GPR6: variants seen among roughly 807,000 people sequenced by gnomAD.
GPR6 encodes the protein sphingosine 1-phosphate receptor GPR6.
Under a neutral mutation model 18.5 loss-of-function variants are expected in GPR6, and 14 were observed. That is an observed-to-expected ratio of 0.76 (90% CI 0.50 to 1.18). GPR6 has a LOEUF of 1.18. GPR6 is among the 50% of genes most tolerant of loss of function. GPR6 has a pLI of 0.00. For synonymous variants in GPR6, 299 were observed against 240.9 expected (o/e 1.24, Z -2.23); for missense variants, 477 against 495.9 (o/e 0.96, Z 0.36).
At position 109,979,341 on chromosome 6, in the gene GPR6, G is replaced by A. The variant is rs767599751; in HGVS notation, c.229G>A (p.Val77Met). 2 of 1,613,750 alleles carry A rather than the reference G, an allele frequency of 1.2e-6. No individual in the cohort carries two copies. Among genetic ancestry groups the A allele is most frequent in the South Asian group, 1.1e-5 (1 of 91,082 alleles). The change falls in exon 2 of 2, where the codon GTG (valine) becomes ATG (methionine). Residue 77 changes from valine (V) to methionine (M), a missense_variant. Transcript: ENST00000275169. ...LLLPAVNPWD[V>M]LLCVSGTVIA... Reference sequence around the variant, plus strand: ...GCTGCCAGCGGTGAATCCGTGGGACGTGCTCCTGTGCGTGTCGGGGACAGT... The same window carrying A: ...GCTGCCAGCGGTGAATCCGTGGGACATGCTCCTGTGCGTGTCGGGGACAGT...
At position 109,979,343 on chromosome 6, in the gene GPR6, G is replaced by A; in HGVS notation, c.231G>A (p.Val77=). Residue 77 remains valine, a synonymous_variant, in exon 2 of 2, where the codon GTG becomes GTA. Transcript: ENST00000275169. The part of the protein sequence containing the change: ...LLLPAVNPWD[V]LLCVSGTVIA... ...TGCCAGCGGTGAATCCGTGGGACGT[G>A]CTCCTGTGCGTGTCGGGGACAGTGA... is the stretch of plus-strand genomic sequence containing the variant. 6.2e-7 allele frequency: 1 copy of A among 1,613,772 alleles called. No homozygotes were observed. Among genetic ancestry groups the A allele is most frequent in the Non-Finnish European group, 8.5e-7 (1 of 1,179,956 alleles).
rs758769097 is a variant in GPR6 at position 109,978,937 on chromosome 6, T to G, written c.-18-158T>G. On this transcript the variant is annotated intron_variant, in intron 1 of 1. Coordinates refer to ENST00000275169, the MANE Select transcript of GPR6 (RefSeq NM_005284.5). Reference sequence around the variant, plus strand: ...TCACTCACTCAACAGGTATTTATTTTGGGTTCGCACTTAACCCATGATTCC... The same window carrying G: ...TCACTCACTCAACAGGTATTTATTTGGGGTTCGCACTTAACCCATGATTCC... 7.1e-4 allele frequency: 1,094 copies of G among 1,532,750 alleles called. 1 individual carries two copies. The highest frequency in any genetic ancestry group is 9.0e-4 in the Non-Finnish European group (1,028 of 1,136,384). 94.9% of individuals were successfully genotyped at this position (1,532,750 alleles called of 1,614,324 possible).
chr6:109,979,979 C>G lies in GPR6; in HGVS notation c.867C>G (p.Gly289=), dbSNP rs1478471185. ...TGGCTGTGGTGCTGGGCACTTTCGG[C>G]GCCAGCTGGCTGCCCTTCGCCATCT... ...GTLAVVLGTF[G]ASWLPFAIYC... The change falls in exon 2 of 2, where the codon GGC becomes GGG. Residue 289 remains glycine, a synonymous_variant. Transcript: ENST00000275169. 1.9e-6 allele frequency: 3 copies of G among 1,612,828 alleles called. No individual in the cohort carries two copies. The highest frequency in any genetic ancestry group is 2.7e-5 in the African/African-American group (2 of 74,960).
intron 1 of GPR6, 89 bp from the exon 2 acceptor site, chr6:109,979,006 G>A: frequency 6.5e-7 from 1 of 1,541,278 alleles, no homozygotes; most frequent in South Asian, 1.2e-5. Flanking sequence ...CAACTCAAGT[G>A]GGGCAATGCG....
Position 109,979,270 on chromosome 6 carries a change from C to T in GPR6, c.158C>T (p.Ser53Phe), listed in dbSNP as rs764417293. ...GGAGCCGGCGGCGGAGCTAATGGGT[C>T]TCTGGAGCTGTCCTCGCAGCTGTCG... ...ALGAGGGANG[S>F]LELSSQLSAG... The change falls in exon 2 of 2, where the codon TCT becomes TTT. Residue 53 changes from serine to phenylalanine, a missense_variant. Ser to Phe is a radical substitution (Grantham distance 155). Coordinates refer to ENST00000275169, the MANE Select transcript of GPR6 (RefSeq NM_005284.5). The T allele has an allele frequency of 1.9e-6, 3 of 1,612,720 alleles. No individual in the cohort carries two copies. The East Asian group carries it at 6.7e-5, about 36-fold the overall frequency.
chr6:109,979,124 C>A lies in GPR6; in HGVS notation c.12C>A (p.Ser4Arg), dbSNP rs1389950472. Residue 4 changes from serine (S) to arginine (R), a missense_variant, in exon 2 of 2, where the codon AGC becomes AGA. Coordinates refer to ENST00000275169, the MANE Select transcript of GPR6 (RefSeq NM_005284.5). MNA[S>R]AASLNDSQVV... ...CAAATCCGGCCGCGATGAACGCGAG[C>A]GCCGCCTCGCTCAACGACTCCCAGG... is the stretch of plus-strand genomic sequence containing the variant. 6.3e-7 allele frequency: 1 copy of A among 1,585,582 alleles called. No individual in the cohort carries two copies.
chr6:109,978,961 C>T (rs1771006002), intron 1 of GPR6, 134 bp from the exon 2 acceptor site: 1 of 1,530,276 alleles, frequency 6.5e-7, no homozygotes, highest in Middle Eastern at 1.7e-4. Context: ...ACCCATGATT[C>T]CCCGATTTGC....
Position 109,979,101 on chromosome 6 carries a change from A to T in GPR6, c.-12A>T. The T allele has an allele frequency of 1.3e-6, 2 of 1,572,864 alleles. No homozygotes were observed. Among genetic ancestry groups the T allele is most frequent in the Non-Finnish European group, 1.7e-6 (2 of 1,169,906 alleles). On this transcript the variant is annotated 5_prime_UTR_variant, in exon 2 of 2. Transcript: ENST00000275169. ...GCACTCCCTCCCTATGCAGGGTGCAAATCCGGCCGCGATGAACGCGAGCGC... is the reference window on the plus strand; with the variant it reads ...GCACTCCCTCCCTATGCAGGGTGCATATCCGGCCGCGATGAACGCGAGCGC...
rs1377177745 is a variant in GPR6 at position 109,979,936 on chromosome 6, G to A, written c.824G>A (p.Arg275Lys). Residue 275 changes from arginine (R) to lysine (K), a missense_variant, in exon 2 of 2, where the codon AGA becomes AAA. Arg to Lys is a conservative substitution (Grantham distance 26). Transcript: ENST00000275169. ...GCGCCACCCCATCTCGCTGCCACCA[G>A]AAAGGGTGTGGGTACACTGGCTGTG... ...CLAPPHLAAT[R>K]KGVGTLAVVL... 6.2e-7 allele frequency: 1 copy of A among 1,612,966 alleles called. No individual in the cohort carries two copies. The highest frequency in any genetic ancestry group is 8.5e-7 in the Non-Finnish European group (1 of 1,180,038).
chr6:109,979,925 C>T lies in GPR6; in HGVS notation c.813C>T (p.Leu271=). 1.9e-6 allele frequency: 3 copies of T among 1,612,662 alleles called. No homozygotes were observed. Among genetic ancestry groups the T allele is most frequent in the Non-Finnish European group, 2.5e-6 (3 of 1,180,022 alleles). The part of the protein sequence containing the change: ...LQQHCLAPPH[L]AATRKGVGTL... Reference sequence around the variant, plus strand: ...AGCACTGCCTGGCGCCACCCCATCTCGCTGCCACCAGAAAGGGTGTGGGTA... The same window carrying T: ...AGCACTGCCTGGCGCCACCCCATCTTGCTGCCACCAGAAAGGGTGTGGGTA... The change falls in exon 2 of 2, where the codon CTC becomes CTT. Residue 271 remains leucine, a synonymous_variant. Transcript: ENST00000275169.
rs1053006100 is a variant in GPR6 at position 109,978,989 on chromosome 6, G to T, written c.-18-106G>T. The T allele has an allele frequency of 3.3e-6, 5 of 1,537,662 alleles. No individual in the cohort carries two copies. In the East Asian group the frequency reaches 9.0e-5, roughly 28 times the overall value. ...CGATTTGCTCTGGGGTCCCAGGGTGGGGTGGGCAACTCAAGTGGGGCAATG... is the reference window on the plus strand; with the variant it reads ...CGATTTGCTCTGGGGTCCCAGGGTGTGGTGGGCAACTCAAGTGGGGCAATG... On this transcript the variant is annotated intron_variant, in intron 1 of 1. Coordinates refer to ENST00000275169, the MANE Select transcript of GPR6 (RefSeq NM_005284.5).
In GPR6 at chr6:109,979,676, G is replaced by T; in HGVS notation, c.564G>T (p.Leu188=). 1.9e-6 allele frequency: 3 copies of T among 1,610,672 alleles called. No homozygotes were observed. The highest frequency in any genetic ancestry group is 2.5e-6 in the Non-Finnish European group (3 of 1,179,908). Reference sequence around the variant, plus strand: ...GGACCCTGTTGGGCGTGCACCTCCTGCTTGCCGCCACTTGGACCGTGTCCC... The same window carrying T: ...GGACCCTGTTGGGCGTGCACCTCCTTCTTGCCGCCACTTGGACCGTGTCCC... ...SRRTLLGVHL[L]LAATWTVSLG... Residue 188 remains leucine (L), a synonymous_variant, in exon 2 of 2, where the codon CTG becomes CTT. Transcript: ENST00000275169.
Position 109,980,140 on chromosome 6 carries a change from T to C in GPR6, c.1028T>C (p.Leu343Pro). 1 of 1,614,244 alleles carries C rather than the reference T, an allele frequency of 6.2e-7. No individual in the cohort carries two copies. The highest frequency in any genetic ancestry group is 8.5e-7 in the Non-Finnish European group (1 of 1,180,038). Residue 343 changes from leucine to proline, a missense_variant, in exon 2 of 2, where the codon CTG becomes CCG. Physicochemically the swap from Leu to Pro is moderately conservative, Grantham distance 98. Transcript: ENST00000275169. Reference sequence around the variant, plus strand: ...GAGATCCAGCGCGCCCTGTGGCTCCTGCTCTGTGGCTGTTTCCAGTCCAAA... The same window carrying C: ...GAGATCCAGCGCGCCCTGTGGCTCCCGCTCTGTGGCTGTTTCCAGTCCAAA... ...NQEIQRALWL[L>P]LCGCFQSKVP...
At position 109,979,484 on chromosome 6, in the gene GPR6, C is replaced by T; in HGVS notation, c.372C>T (p.Gly124=). 1 of 1,613,394 alleles carries T rather than the reference C, an allele frequency of 6.2e-7. No individual in the cohort carries two copies. The highest frequency in any genetic ancestry group is 8.5e-7 in the Non-Finnish European group (1 of 1,180,000). ...LATADLLAGC[G]LILHFVFQYL... is the part of the protein sequence containing the mutation. ...CCGCTGACCTGTTGGCGGGCTGTGGCCTCATCTTGCACTTTGTGTTCCAGT... is the reference window on the plus strand; with the variant it reads ...CCGCTGACCTGTTGGCGGGCTGTGGTCTCATCTTGCACTTTGTGTTCCAGT... The change falls in exon 2 of 2, where the codon GGC becomes GGT. Residue 124 remains glycine (G), a synonymous_variant. Coordinates refer to ENST00000275169, the MANE Select transcript of GPR6 (RefSeq NM_005284.5).
Position 109,980,408 on chromosome 6 carries a change from A to G in GPR6, c.*207A>G, listed in dbSNP as rs1450745486. 3 of 627,658 alleles carry G rather than the reference A, an allele frequency of 4.8e-6. No individual in the cohort carries two copies. Among genetic ancestry groups the G allele is most frequent in the African/African-American group, 1.9e-5 (1 of 53,744 alleles). The allele number at this position is 627,658 out of a possible 1,614,324, so 38.9% of individuals were successfully genotyped here. On this transcript the variant is annotated 3_prime_UTR_variant, in exon 2 of 2. Coordinates refer to ENST00000275169, the MANE Select transcript of GPR6 (RefSeq NM_005284.5). ...ATACAGTGTATACATGTGTACATAT[A>G]TATACAAATATTTGTATCTTCTGGA...
At position 109,979,878 on chromosome 6, in the gene GPR6, G is replaced by A. The variant is rs1366221614; in HGVS notation, c.766G>A (p.Ala256Thr). 1 of 1,610,590 alleles carries A rather than the reference G, an allele frequency of 6.2e-7. No homozygotes were observed. The highest frequency in any genetic ancestry group is 1.1e-5 in the South Asian group (1 of 91,062). The change falls in exon 2 of 2, where the codon GCG becomes ACG. Residue 256 changes from alanine (A) to threonine (T), a missense_variant. Physicochemically the swap from Ala to Thr is moderately conservative, Grantham distance 58. Coordinates refer to ENST00000275169, the MANE Select transcript of GPR6 (RefSeq NM_005284.5). ...VRICQVVWRH[A>T]HQIALQQHCL... ...CATCTGCCAGGTGGTCTGGCGCCAC[G>A]CGCACCAGATCGCGCTGCAGCAGCA...
chr6:109,978,996 C>CA, intron 1 of GPR6, 99 bp from the exon 2 acceptor site: 1 of 1,539,752 alleles, frequency 6.5e-7, no homozygotes, highest in Non-Finnish European at 8.7e-7. Flanking sequence ...GTGGGGTGGG[C>CA]AACTCAAGTG....
Position 109,980,378 on chromosome 6 carries a change from T to A in GPR6, c.*177T>A. 1 of 787,072 alleles carries A rather than the reference T, an allele frequency of 1.3e-6. No homozygotes were observed. Among genetic ancestry groups the A allele is most frequent in the South Asian group, 1.8e-5 (1 of 55,776 alleles). 48.8% of individuals were successfully genotyped at this position (787,072 alleles called of 1,614,324 possible). A position where few individuals can be genotyped will look rare whatever the true frequency, so the allele number is the denominator to read the frequency against. On this transcript the variant is annotated 3_prime_UTR_variant, in exon 2 of 2. Coordinates refer to ENST00000275169, the MANE Select transcript of GPR6 (RefSeq NM_005284.5). ...AGGACAAAGAGGCTTGTTGGCACTTTACATATACAGTGTATACATGTGTAC... is the reference window on the plus strand; with the variant it reads ...AGGACAAAGAGGCTTGTTGGCACTTAACATATACAGTGTATACATGTGTAC...
At position 109,979,941 on chromosome 6, in the gene GPR6, G is replaced by T. The variant is rs751320591; in HGVS notation, c.829G>T (p.Gly277Cys). The change falls in exon 2 of 2, where the codon GGT (glycine) becomes TGT (cysteine). Residue 277 changes from glycine (G) to cysteine (C), a missense_variant. Transcript: ENST00000275169. ...ACCCCATCTCGCTGCCACCAGAAAG[G>T]GTGTGGGTACACTGGCTGTGGTGCT... Reference protein sequence around the residue: ...APPHLAATRKGVGTLAVVLGT... With the variant: ...APPHLAATRKCVGTLAVVLGT... 6.2e-7 allele frequency: 1 copy of T among 1,613,024 alleles called. No homozygotes were observed.
Sources: allele counts gnomAD v4.1 joint callset, GRCh38; gene constraint gnomAD v4.1.1; transcripts MANE v1.5; gene names NCBI Gene and HGNC (gene_info 2026-07-23, HGNC 2026-07-21).